NCAM2: variants seen among roughly 807,000 people sequenced by gnomAD.
The protein encoded by NCAM2 is neural cell adhesion molecule 2.
Under a neutral mutation model 98.1 loss-of-function variants are expected in NCAM2, and 30 were observed. The ratio of observed to expected loss-of-function variants is 0.31; its 90% CI spans 0.23 to 0.41. NCAM2 has a LOEUF of 0.41. NCAM2 is among the 10% of genes least tolerant of loss of function. The probability of loss-of-function intolerance (pLI) is 1.00; values close to 1 mark genes in which losing one functional copy is unlikely to be tolerated. For missense variants in NCAM2, 867 were observed against 1,005.8 expected, an observed-to-expected ratio of 0.86 and a Z score of 1.87; for synonymous variants, 368 against 342.4, an observed-to-expected ratio of 1.07 and a Z score of -0.83.
intron 1 of NCAM2, among the ~76,000 whole-genome samples, chr21:21,244,705 G>A (rs2147255324): frequency 6.6e-6 from 1 of 151,844 alleles, no homozygotes; most frequent in Non-Finnish European, 1.5e-5. Flanking sequence ...AAATTAGCCG[G>A]GAGTGGTGGC....
intron 16 of NCAM2, among the ~76,000 whole-genome samples, chr21:21,530,542 A>G (rs976751003): frequency 3.3e-5 from 5 of 150,850 alleles, no homozygotes; most frequent in African/African-American, 1.2e-4. Flanking sequence ...AAAAAATAAT[A>G]TCCTAGGATA....
chr21:21,161,339 T>A (rs977066749), intron 1 of NCAM2, among the ~76,000 whole-genome samples: 1 of 151,898 alleles, frequency 6.6e-6, no homozygotes, highest in African/African-American at 2.4e-5. Flanking sequence ...TATTTATTTA[T>A]TTTATTTATT....
chr21:21,021,625 C>T (rs952468179), intron 1 of NCAM2, among the ~76,000 whole-genome samples: 1 of 152,084 alleles, frequency 6.6e-6, no homozygotes, highest in African/African-American at 2.4e-5. Flanking sequence ...CCAGGGGTAG[C>T]TTTTTTAATC....
rs948388638 is a variant in NCAM2, at chr21:21,474,970, A to G, written c.1897-2321A>G. Reference sequence around the variant, plus strand: ...TTGACTTTTTAAGCTTTTTTGTTCTATGTAGGTCTATATATATAACACATA... The same window carrying G: ...TTGACTTTTTAAGCTTTTTTGTTCTGTGTAGGTCTATATATATAACACATA... On this transcript the variant is annotated intron_variant, in intron 14 of 17. Transcript: ENST00000400546. Among the ~76,000 whole-genome samples, 9 of 150,712 alleles carry G rather than the reference A, an allele frequency of 6.0e-5. No individual in the cohort carries two copies. In the South Asian group the frequency reaches 8.3e-4, roughly 14 times the overall value.
intron 5 of NCAM2, among the ~76,000 whole-genome samples, chr21:21,300,778 ATTAC>A (rs1407817105): frequency 1.8e-5 from 1 of 54,426 alleles, no homozygotes; most frequent in Non-Finnish European, 3.7e-5. Context: ...TTTCATAATT[ATTAC>A]TTAGTTTTTT....
At chr21:21,111,724 AC>A (rs2066458538) in intron 1 of NCAM2, among the ~76,000 whole-genome samples, 1 of 152,190 alleles carries the variant, frequency 6.6e-6, no homozygotes, top group African/African-American at 2.4e-5. Flanking sequence ...TTTCTTCCCA[AC>A]AAAATTAGAG....
intron 1 of NCAM2, among the ~76,000 whole-genome samples, chr21:21,073,717 T>A (rs1453397126): frequency 2.0e-5 from 3 of 152,148 alleles, no homozygotes; most frequent in Admixed American, 6.6e-5. Flanking sequence ...TGAAGCCCAC[T>A]CCATACAACC....
At chr21:21,061,690 G>A (rs2065327037) in intron 1 of NCAM2, among the ~76,000 whole-genome samples, 1 of 150,952 alleles carries the variant, frequency 6.6e-6, no homozygotes, top group Admixed American at 6.6e-5. Flanking sequence ...TTTTGAAATT[G>A]ATTGAATATT....
At chr21:21,306,227 T>A (rs2073875004) in intron 5 of NCAM2, among the ~76,000 whole-genome samples, 1 of 152,146 alleles carries the variant, frequency 6.6e-6, no homozygotes, top group African/African-American at 2.4e-5. Flanking sequence ...GTTAATCAAG[T>A]CTTCTGTATC....
At chr21:21,083,732 C>CT (rs771680375) in intron 1 of NCAM2, among the ~76,000 whole-genome samples, 9 of 152,002 alleles carry the variant, frequency 5.9e-5, no homozygotes, top group Non-Finnish European at 1.0e-4. Context: ...TTTTAAAATT[C>CT]TATTTTTTGA....
At chr21:21,402,887 T>G (rs1438303104) in intron 9 of NCAM2, among the ~76,000 whole-genome samples, 2 of 152,200 alleles carry the variant, frequency 1.3e-5, no homozygotes, top group Non-Finnish European at 2.9e-5. Context: ...ATACAGTTTT[T>G]CATAATACAT....
intron 1 of NCAM2, among the ~76,000 whole-genome samples, chr21:21,219,460 A>T (rs911211700): frequency 6.6e-6 from 1 of 152,228 alleles, no homozygotes; most frequent in Non-Finnish European, 1.5e-5. Flanking sequence ...CTATAATGGA[A>T]TGAAAATTTC....
chr21:21,138,773 A>T (rs2067111243), intron 1 of NCAM2, among the ~76,000 whole-genome samples: 1 of 152,212 alleles, frequency 6.6e-6, no homozygotes, highest in Non-Finnish European at 1.5e-5. Context: ...TTCTGATACC[A>T]AAATAGATAT....
At position 21,541,614 on chromosome 21, in the gene NCAM2, A is replaced by AT. The variant is rs1286495931; in HGVS notation, c.*3663dup. The AT allele has an allele frequency of 6.6e-6, 1 of 151,694 alleles. No individual in the cohort carries two copies. Among genetic ancestry groups the AT allele is most frequent in the Non-Finnish European group, 1.5e-5 (1 of 67,742 alleles). 9.4% of individuals were successfully genotyped at this position (151,694 alleles called of 1,614,324 possible). A position where few individuals can be genotyped will look rare whatever the true frequency, so the allele number is the denominator to read the frequency against. On this transcript the variant is annotated 3_prime_UTR_variant, in exon 18 of 18. Transcript: ENST00000400546. ...GGTCTTCATTATTCCATTTATATATATTTTTTATTTCGAATAATAAATCAA... is the reference window on the plus strand; with the variant it reads ...GGTCTTCATTATTCCATTTATATATATTTTTTTATTTCGAATAATAAATCAA...
intron 1 of NCAM2, among the ~76,000 whole-genome samples, chr21:21,230,750 C>A (rs1355965137): frequency 6.6e-6 from 1 of 151,194 alleles, no homozygotes; most frequent in African/African-American, 2.4e-5. Context: ...ATGGGAAAAC[C>A]ACACTTTCAT....
At chr21:21,367,546 G>A (rs2075817715) in intron 8 of NCAM2, among the ~76,000 whole-genome samples, 1 of 151,920 alleles carries the variant, frequency 6.6e-6, no homozygotes, top group African/African-American at 2.4e-5. Context: ...ATTAAATAGA[G>A]TATGGGAAAG....
intron 15 of NCAM2, among the ~76,000 whole-genome samples, chr21:21,498,606 G>A (rs2146328443): frequency 6.6e-6 from 1 of 152,228 alleles, no homozygotes; most frequent in East Asian, 1.9e-4. Flanking sequence ...CATTTTGTCA[G>A]GGAGCTGAAA....
intron 5 of NCAM2, among the ~76,000 whole-genome samples, chr21:21,314,025 A>G (rs1335663091): frequency 1.3e-5 from 2 of 152,064 alleles, no homozygotes; most frequent in Non-Finnish European, 2.9e-5. Context: ...ATTCCATCAG[A>G]GAATTTGTTT....
chr21:21,277,659 C>A (rs989334225), intron 1 of NCAM2, among the ~76,000 whole-genome samples: 3 of 152,002 alleles, frequency 2.0e-5, no homozygotes, highest in Non-Finnish European at 2.9e-5. Context: ...CTTGGAAAGG[C>A]AAGTTTCCTT....
Sources: allele counts gnomAD v4.1 joint callset (sites outside exome capture counted in the v4.1 genomes callset), GRCh38; gene constraint gnomAD v4.1.1; transcripts MANE v1.5; gene names NCBI Gene and HGNC (gene_info 2026-07-23, HGNC 2026-07-21).